Variants in OXNAD1 observed in about 807,000 individuals in gnomAD.
OXNAD1 encodes the protein oxidoreductase NAD binding domain containing 1.
In OXNAD1, 34 loss-of-function variants were observed where a neutral mutation model predicts 32.9. The ratio of observed to expected loss-of-function variants is 1.03; its 90% CI spans 0.79 to 1.38. The LOEUF (loss-of-function observed/expected upper bound fraction) is 1.38. Ranked by LOEUF, OXNAD1 falls within the 40% of genes most tolerant of loss-of-function variation. OXNAD1 has a pLI of 0.00. For synonymous variants in OXNAD1, 134 were observed against 135.2 expected (o/e 0.99, Z 0.06); for missense variants, 407 against 379.4 (o/e 1.07, Z -0.60).
intron 9 of OXNAD1, among the ~76,000 whole-genome samples, chr3:16,323,140 T>TC (rs1423065047): frequency 6.6e-6 from 1 of 152,140 alleles, no homozygotes; most frequent in Non-Finnish European, 1.5e-5. Context: ...AGAGCCTCTC[T>TC]CCTCCATCCT....
chr3:16,326,477 T>C (rs1483296641), intron 9 of OXNAD1, among the ~76,000 whole-genome samples: 1 of 152,256 alleles, frequency 6.6e-6, no homozygotes, highest in Non-Finnish European at 1.5e-5. Context: ...GTGCTGAATT[T>C]CTTTTGCATT....
chr3:16,326,825 A>T (rs2069746013), intron 9 of OXNAD1: 1 of 1,614,034 alleles, frequency 6.2e-7, no homozygotes. Context: ...TGCCAGCCAT[A>T]GGCCGCCAGC....
intron 6 of OXNAD1, among the ~76,000 whole-genome samples, chr3:16,295,778 AAC>A (rs2066745547): frequency 6.6e-6 from 1 of 152,222 alleles, no homozygotes; most frequent in Non-Finnish European, 1.5e-5. Flanking sequence ...CTTTACCAAA[AAC>A]ACATACCAGT....
intron 4 of OXNAD1, among the ~76,000 whole-genome samples, chr3:16,283,318 T>G (rs944122386): frequency 1.3e-5 from 2 of 152,174 alleles, no homozygotes; most frequent in African/African-American, 4.8e-5. Flanking sequence ...TTGTATGGCA[T>G]AAGTGCGTTT....
chr3:16,307,257 G>A (rs1341911998), downstream of OXNAD1, among the ~76,000 whole-genome samples: 2 of 152,092 alleles, frequency 1.3e-5, no homozygotes, highest in Non-Finnish European at 2.9e-5. Context: ...TCAATTTTTT[G>A]ATGTTCAGCT....
intron 9 of OXNAD1, chr3:16,326,843 G>A: frequency 6.2e-7 from 1 of 1,614,110 alleles, no homozygotes; most frequent in Non-Finnish European, 8.5e-7. Context: ...AGCGAGTTCA[G>A]CAGGGGCACG....
rs1285336419 is a variant in OXNAD1, at chr3:16,265,469, CCAGGGCGACGGT to C, written c.-191_-180del. The C allele has an allele frequency of 6.5e-6, 1 of 153,088 alleles. No homozygotes were observed. The allele number at this position is 153,088 out of a possible 1,614,324, so 9.5% of individuals were successfully genotyped here. ...TTCGCTTCACCGAGTGACCTTGAGC[CCAGGGCGACGGT>C]CAGCTTGTTAATTCCTGGCTGCAGG... On this transcript the variant is annotated 5_prime_UTR_variant, in exon 1 of 9. Transcript: ENST00000285083. This position sits in a 1 kb window ranked among gnomAD's most constrained non-coding sequence, Gnocchi z 4.8.
chr3:16,269,741 A>C lies in OXNAD1; in HGVS notation c.-9+466A>C, dbSNP rs190156784. Among the ~76,000 whole-genome samples the C allele has an allele frequency of 1.7e-3, 262 of 152,356 alleles. 2 individuals are homozygous for C. The highest frequency in any genetic ancestry group is 2.9e-3 in the Non-Finnish European group (195 of 68,030). On this transcript the variant is annotated intron_variant, in intron 2 of 8. Transcript: ENST00000285083. ...CCAAATTAATGAATATGGAGTAGGA[A>C]TGTAAACACTTAGCTTGAATATTTT...
chr3:16,295,985 C>G (rs1390182207), intron 6 of OXNAD1, among the ~76,000 whole-genome samples: 1 of 152,120 alleles, frequency 6.6e-6, no homozygotes, highest in Admixed American at 6.5e-5. Flanking sequence ...GGCCGAGTAG[C>G]AAATTTCATA....
At chr3:16,347,050 C>T (rs1038322614) in intron 9 of OXNAD1, among the ~76,000 whole-genome samples, 38 of 152,220 alleles carry the variant, frequency 2.5e-4, no homozygotes, top group African/African-American at 8.9e-4. Flanking sequence ...CCATGACCAC[C>T]ACCCTTATTC....
In OXNAD1 at chr3:16,277,605, A is replaced by G. The variant is rs959784779; in HGVS notation, c.183+5883A>G. Among the ~76,000 whole-genome samples the G allele has an allele frequency of 2.0e-5, 3 of 152,242 alleles. No individual in the cohort carries two copies. Among genetic ancestry groups the G allele is most frequent in the African/African-American group, 7.2e-5 (3 of 41,474 alleles). The stretch of plus-strand genomic sequence containing the variant: ...ACAAAGAGGAAGCAGGGCCTAGGAC[A>G]TGTCTCTCAGTGACGAAAGGAAGCT... On this transcript the variant is annotated intron_variant, in intron 4 of 8. Transcript: ENST00000285083. The surrounding 1 kb of genome is among the most constrained non-coding windows in gnomAD (Gnocchi z 4.3).
In OXNAD1 at chr3:16,298,614, G is replaced by A. The variant is rs2066965685; in HGVS notation, c.433-3012G>A. ...GAGGATTTGTCTTATTAAGCCATTC[G>A]AGTGGACAATGGAGGCACGTGAGTG... is the stretch of plus-strand genomic sequence containing the variant. On this transcript the variant is annotated intron_variant, in intron 6 of 8. Transcript: ENST00000285083. This position sits in a 1 kb window ranked among gnomAD's most constrained non-coding sequence, Gnocchi z 5.1. Among the ~76,000 whole-genome samples the A allele has an allele frequency of 1.3e-5, 2 of 152,184 alleles. No individual in the cohort carries two copies. The highest frequency in any genetic ancestry group is 4.1e-4 in the South Asian group (2 of 4,822).
intron 9 of OXNAD1, among the ~76,000 whole-genome samples, chr3:16,325,231 A>G (rs1234656345): frequency 6.6e-6 from 1 of 152,220 alleles, no homozygotes; most frequent in Non-Finnish European, 1.5e-5. Context: ...TACCACTTTT[A>G]TAGAAGGAAA....
At chr3:16,319,267 A>G (rs986090706) in intron 9 of OXNAD1, among the ~76,000 whole-genome samples, 2 of 152,186 alleles carry the variant, frequency 1.3e-5, no homozygotes, top group African/African-American at 4.8e-5. Flanking sequence ...CTCTCAGGGA[A>G]GTCAGAGGAA....
In OXNAD1 at chr3:16,320,370, T is replaced by TG. The variant is rs1450678078; in HGVS notation, c.*31-16741dup. On this transcript the variant is annotated intron_variant, in intron 9 of 9. Coordinates refer to the OXNAD1 transcript ENST00000435829. This position sits in a 1 kb window ranked among gnomAD's most constrained non-coding sequence, Gnocchi z 4.5. ...TGCCACATCCTCGGTGTGCCAATCT[T>TG]GCAGTTTCTTTTCTTAAGTTTTAAT... Among the ~76,000 whole-genome samples, 1 of 152,238 alleles carries TG rather than the reference T, an allele frequency of 6.6e-6. No individual in the cohort carries two copies. The highest frequency in any genetic ancestry group is 1.5e-5 in the Non-Finnish European group (1 of 68,040).
At chr3:16,330,764 T>C (rs557668201) in intron 9 of OXNAD1, among the ~76,000 whole-genome samples, 4 of 152,224 alleles carry the variant, frequency 2.6e-5, no homozygotes, top group Admixed American at 1.3e-4. Context: ...ACTAAAGAAA[T>C]AGACATCCTA....
intron 9 of OXNAD1, among the ~76,000 whole-genome samples, chr3:16,325,548 T>C (rs1446708871): frequency 6.6e-6 from 1 of 152,178 alleles, no homozygotes. Flanking sequence ...CATGACACAG[T>C]GGGTAAGTGG....
At chr3:16,272,664 T>G (rs1424541086) in intron 4 of OXNAD1, among the ~76,000 whole-genome samples, 1 of 151,266 alleles carries the variant, frequency 6.6e-6, no homozygotes, top group Admixed American at 6.6e-5. Flanking sequence ...TTTTTTTTTT[T>G]TTTGAGAAGT....
downstream of OXNAD1, among the ~76,000 whole-genome samples, chr3:16,350,647 C>T (rs934111705): frequency 3.9e-5 from 6 of 152,130 alleles, no homozygotes; most frequent in Non-Finnish European, 7.4e-5. Flanking sequence ...CTGACTTCCT[C>T]GTTACTCACC....
Sources: allele counts gnomAD v4.1 joint callset (sites outside exome capture counted in the v4.1 genomes callset), GRCh38; gene constraint gnomAD v4.1.1; non-coding constraint Gnocchi (gnomAD v3.1); transcripts MANE v1.5; gene names NCBI Gene and HGNC (gene_info 2026-07-23, HGNC 2026-07-21).